Variants in DCC observed in about 807,000 individuals in gnomAD.
The protein encoded by DCC is netrin receptor DCC.
Under a neutral mutation model 172.5 loss-of-function variants are expected in DCC, and 58 were observed. That is an observed-to-expected ratio of 0.34 (90% confidence interval 0.27 to 0.42). The LOEUF is 0.42. Ranked by LOEUF, DCC falls within the 10% of genes least tolerant of loss-of-function variation. DCC has a pLI of 1.00. For synonymous variants in DCC, 709 were observed against 644.5 expected, an observed-to-expected ratio of 1.10 and a Z score of -1.52; for missense variants, 1,740 against 1,791.0, an observed-to-expected ratio of 0.97 and a Z score of 0.51.
chr18:52,517,113 G>T (rs2031667374), intron 1 of DCC, among the ~76,000 whole-genome samples: 2 of 152,146 alleles, frequency 1.3e-5, no homozygotes, highest in Admixed American at 6.6e-5. Context: ...TTTGCATGTG[G>T]ACCATAAGTG....
chr18:53,305,569 A>G lies in DCC; in HGVS notation c.1912-9A>G. ...TTCAATGTTTTAATTTACACCTATTATTTTACAGAGTATCAAAGTTAGCTG... is the reference window on the plus strand; with the variant it reads ...TTCAATGTTTTAATTTACACCTATTGTTTTACAGAGTATCAAAGTTAGCTG... On this transcript the variant is annotated splice_polypyrimidine_tract_variant and intron_variant, in intron 12 of 28. Coordinates refer to ENST00000442544, the MANE Select transcript of DCC (RefSeq NM_005215.4). 3 of 1,606,194 alleles carry G rather than the reference A, an allele frequency of 1.9e-6. No homozygotes were observed. The highest frequency in any genetic ancestry group is 1.7e-6 in the Non-Finnish European group (2 of 1,172,948).
intron 2 of DCC, among the ~76,000 whole-genome samples, chr18:52,787,042 A>G (rs2037673597): frequency 6.6e-6 from 1 of 152,156 alleles, no homozygotes; most frequent in Non-Finnish European, 1.5e-5. Context: ...CATGCTCCAA[A>G]TTTTGTTCAC....
chr18:53,072,722 A>G (rs2042672332), intron 7 of DCC, among the ~76,000 whole-genome samples: 1 of 152,250 alleles, frequency 6.6e-6, no homozygotes, highest in South Asian at 2.1e-4. Context: ...ATGCTATTAT[A>G]GATATTTCCC....
At chr18:52,712,150 G>A (rs917232279) in intron 1 of DCC, among the ~76,000 whole-genome samples, 23 of 152,094 alleles carry the variant, frequency 1.5e-4, no homozygotes, top group Non-Finnish European at 2.8e-4. Context: ...TAGTAGAGAC[G>A]GGGTTTCACC....
chr18:52,619,731 C>A (rs1418317436), intron 1 of DCC, among the ~76,000 whole-genome samples: 1 of 152,080 alleles, frequency 6.6e-6, no homozygotes, highest in Non-Finnish European at 1.5e-5. Context: ...GTTTCCTAAT[C>A]TAATATTCTA....
At chr18:53,282,274 A>G (rs1270445189) in intron 12 of DCC, among the ~76,000 whole-genome samples, 2 of 152,168 alleles carry the variant, frequency 1.3e-5, no homozygotes, top group Non-Finnish European at 2.9e-5. Context: ...AACACAGGCC[A>G]TGCTGACTGC....
At chr18:52,370,040 A>C (rs147729220) in intron 1 of DCC, among the ~76,000 whole-genome samples, 1,537 of 152,274 alleles carry the variant, frequency 0.01, 23 homozygotes, top group African/African-American at 0.035. Flanking sequence ...ATTAATTTAC[A>C]CTCCCACTAA....
intron 1 of DCC, among the ~76,000 whole-genome samples, chr18:52,411,800 A>G (rs1309340501): frequency 6.6e-6 from 1 of 152,190 alleles, no homozygotes; most frequent in Non-Finnish European, 1.5e-5. Flanking sequence ...AAATATCACG[A>G]GACGAAATAG....
At chr18:53,127,354 C>T (rs773456730) in intron 7 of DCC, among the ~76,000 whole-genome samples, 1 of 151,792 alleles carries the variant, frequency 6.6e-6, no homozygotes, top group Non-Finnish European at 1.5e-5. Flanking sequence ...ATAGAGCTTC[C>T]GATTCCCTCA....
At chr18:53,128,860 CACACACACACAT>C (rs1193190567) in intron 7 of DCC, among the ~76,000 whole-genome samples, 3 of 79,334 alleles carry the variant, frequency 3.8e-5, no homozygotes, top group Admixed American at 1.6e-4. Context: ...CACACACACA[CACACACACACAT>C]ATATATATAT....
chr18:53,143,349 C>T (rs893665571), intron 7 of DCC, among the ~76,000 whole-genome samples: 9 of 152,164 alleles, frequency 5.9e-5, no homozygotes, highest in Admixed American at 4.6e-4. Context: ...AGCTGTATAG[C>T]AGTGATTCCT....
chr18:53,507,720 G>A (rs967459403), intron 27 of DCC, among the ~76,000 whole-genome samples: 4 of 151,986 alleles, frequency 2.6e-5, no homozygotes, highest in Non-Finnish European at 4.4e-5. Flanking sequence ...ATAATTGCAC[G>A]TACAGACTTA....
chr18:52,778,429 C>A (rs1459376758), intron 2 of DCC, among the ~76,000 whole-genome samples: 1 of 152,138 alleles, frequency 6.6e-6, no homozygotes, highest in South Asian at 2.1e-4. Flanking sequence ...GAACCGTTAA[C>A]ATTTTTTTCC....
chr18:53,240,685 C>T (rs754951703), intron 12 of DCC, among the ~76,000 whole-genome samples: 7 of 152,078 alleles, frequency 4.6e-5, no homozygotes, highest in East Asian at 1.9e-4. Flanking sequence ...ATGAGATTGT[C>T]GTTGGGACTA....
rs10526030 is a variant in DCC, at chr18:53,066,353, G to GTATA, written c.1261+229_1261+232dup. ...TAGAAAATTGTGTGTGTACATGTGT[G>GTATA]TATATATATATATATATATATATAT... On this transcript the variant is annotated intron_variant, in intron 7 of 28. Transcript: ENST00000442544. 4.8e-3 allele frequency among the ~76,000 whole-genome samples: 448 copies of GTATA among 94,270 alleles called. 5 individuals are homozygous for GTATA. Among genetic ancestry groups the GTATA allele is most frequent in the South Asian group, 0.013 (36 of 2,704 alleles). The allele number at this position is 94,270 out of a possible 152,430, so 61.8% of individuals were successfully genotyped here.
At chr18:53,308,532 G>A (rs1568045770) in intron 13 of DCC, among the ~76,000 whole-genome samples, 1 of 152,130 alleles carries the variant, frequency 6.6e-6, no homozygotes, top group Non-Finnish European at 1.5e-5. Flanking sequence ...TCATCTGAAT[G>A]GCTTAGAAAG....
At chr18:53,170,806 C>G (rs1598871507) in intron 8 of DCC, among the ~76,000 whole-genome samples, 1 of 152,274 alleles carries the variant, frequency 6.6e-6, no homozygotes, top group East Asian at 1.9e-4. Context: ...AGGCCAGAAA[C>G]AGCCCCCCTG....
At chr18:53,467,615 AT>A (rs1329907710) in intron 24 of DCC, among the ~76,000 whole-genome samples, 1 of 152,188 alleles carries the variant, frequency 6.6e-6, no homozygotes, top group African/African-American at 2.4e-5. Flanking sequence ...TTTTTGAAAA[AT>A]ATATTAATGT....
At chr18:52,736,929 C>T (rs1049579091) in intron 1 of DCC, among the ~76,000 whole-genome samples, 1 of 152,122 alleles carries the variant, frequency 6.6e-6, no homozygotes, top group Non-Finnish European at 1.5e-5. Context: ...GTATATTATA[C>T]TCAATAAACT....
Sources: gnomAD v4.1 joint callset for allele counts (sites outside exome capture counted in the v4.1 genomes callset) on GRCh38, gnomAD v4.1.1 for gene constraint, MANE v1.5 for transcripts, NCBI Gene and HGNC (gene_info 2026-07-23, HGNC 2026-07-21) for gene names.